The following UAP1 variants were observed in gnomAD, a reference collection of about 807,000 sequenced individuals.
The protein encoded by UAP1 is UDP-N-acetylhexosamine pyrophosphorylase.
UAP1 carries 25 observed loss-of-function variants against 58.5 expected under a neutral mutation model. The ratio of observed to expected loss-of-function variants is 0.43; its 90% confidence interval spans 0.31 to 0.60. UAP1 has a LOEUF of 0.60. Among genes scored for constraint, UAP1 ranks in the 20% least tolerant of loss-of-function variants. UAP1 has a pLI of 0.11. For missense variants in UAP1, 575 were observed against 630.0 expected (o/e 0.91, Z 0.93); for synonymous variants, 208 against 213.0 (o/e 0.98, Z 0.21).
chr1:162,586,841 T>A (rs920817097), intron 5 of UAP1, among the ~76,000 whole-genome samples: 1 of 152,208 alleles, frequency 6.6e-6, no homozygotes, highest in African/African-American at 2.4e-5. Context: ...AAGTATAGAA[T>A]CACTTATTTC....
intron 5 of UAP1, among the ~76,000 whole-genome samples, chr1:162,583,827 A>G (rs1480787716): frequency 6.6e-6 from 1 of 151,884 alleles, no homozygotes; most frequent in African/African-American, 2.4e-5. Flanking sequence ...TTTAGTAGAG[A>G]CAGGGTTTCA....
chr1:162,597,055 G>C (rs1557982672), intron 9 of UAP1, among the ~76,000 whole-genome samples: 1 of 152,208 alleles, frequency 6.6e-6, no homozygotes, highest in Non-Finnish European at 1.5e-5. Context: ...TAACAGAGAA[G>C]TACTTTGAAA....
chr1:162,582,721 A>G (rs1654663035), intron 5 of UAP1, among the ~76,000 whole-genome samples: 1 of 152,230 alleles, frequency 6.6e-6, no homozygotes, highest in Non-Finnish European at 1.5e-5. Flanking sequence ...TCTGACAAAA[A>G]CAAATTCGAT....
At chr1:162,565,948 G>A in intron 1 of UAP1, 64 bp from the exon 2 acceptor site, 2 of 1,032,864 alleles carry the variant, frequency 1.9e-6, no homozygotes, top group Non-Finnish European at 2.8e-6. Context: ...TTTTTAGAGG[G>A]GAAAAAAGCC....
chr1:162,587,529 G>A, exon 6 of UAP1: 1 of 1,614,014 alleles, frequency 6.2e-7, no homozygotes, highest in Non-Finnish European at 8.5e-7. Context: ...CCGAGTGGAT[G>A]GAGTTTACCA....
In UAP1 at chr1:162,590,740, T is replaced by A. The variant is rs183853443; in HGVS notation, c.1358+229T>A. ...TTCAGATCTCTCTTTTTTTAATTTT[T>A]ATTTTTTGGAAACATTGCCACCATG... On this transcript the variant is annotated intron_variant, in intron 8 of 10. Transcript: ENST00000271469. 2.8e-3 allele frequency among the ~76,000 whole-genome samples: 422 copies of A among 152,292 alleles called. 3 individuals are homozygous for A. The highest frequency in any genetic ancestry group is 9.4e-3 in the African/African-American group (392 of 41,550).
intron 10 of UAP1, among the ~76,000 whole-genome samples, chr1:162,598,767 G>A (rs968857960): frequency 2.6e-5 from 4 of 151,920 alleles, no homozygotes; most frequent in Non-Finnish European, 5.9e-5. Flanking sequence ...TAATCCCAGC[G>A]CTTTGGGAGG....
intron 7 of UAP1, among the ~76,000 whole-genome samples, chr1:162,589,847 C>T (rs1207664442): frequency 6.6e-6 from 1 of 152,124 alleles, no homozygotes; most frequent in Non-Finnish European, 1.5e-5. Flanking sequence ...TGGTGCATGC[C>T]TGAAGTCCCA....
chr1:162,574,494 A>G (rs1013192558), intron 2 of UAP1, among the ~76,000 whole-genome samples: 1 of 152,246 alleles, frequency 6.6e-6, no homozygotes, highest in Non-Finnish European at 1.5e-5. Flanking sequence ...AAATAAACCC[A>G]CATTACCTAA....
At chr1:162,587,813 ATGT>A in intron 6 of UAP1, 145 bp downstream of exon 6, 1 of 796,172 alleles carries the variant, frequency 1.3e-6, no homozygotes, top group South Asian at 2.2e-5. Flanking sequence ...CATTTATCTC[ATGT>A]TGTGATTGTT....
intron 9 of UAP1, among the ~76,000 whole-genome samples, chr1:162,596,502 A>G (rs79200772): frequency 0.01 from 1,593 of 152,336 alleles, 22 homozygotes; most frequent in African/African-American, 0.036. Flanking sequence ...GAATAAATGG[A>G]TGGAGACAAT....
At chr1:162,582,328 TAAGG>T (rs1654639907) in intron 5 of UAP1, among the ~76,000 whole-genome samples, 1 of 151,708 alleles carries the variant, frequency 6.6e-6, no homozygotes, top group South Asian at 2.1e-4. Context: ...AGGATGAAGA[TAAGG>T]GAGGAAAGGG....
At chr1:162,594,083 G>A (rs935026699) in intron 9 of UAP1, among the ~76,000 whole-genome samples, 1 of 152,118 alleles carries the variant, frequency 6.6e-6, no homozygotes, top group Non-Finnish European at 1.5e-5. Flanking sequence ...TGGTGAGGGT[G>A]GTTTCAGGAT....
exon 4 of UAP1, chr1:162,579,526 A>G (rs1654452796): frequency 1.9e-6 from 3 of 1,611,628 alleles, no homozygotes; most frequent in Non-Finnish European, 2.5e-6. Flanking sequence ...ATCTTTTTTC[A>G]GCAAGGAATG....
At position 162,575,498 on chromosome 1, in the gene UAP1, C is replaced by T. The variant is rs192618701; in HGVS notation, c.281-1279C>T. ...CCAGGCTGGAGTGCAGTGGTGCAGT[C>T]TTAGCTCACTGCAACCTCTGCCTCC... On this transcript the variant is annotated intron_variant, in intron 2 of 10. Transcript: ENST00000271469. Among the ~76,000 whole-genome samples, 3 of 151,946 alleles carry T rather than the reference C, an allele frequency of 2.0e-5. No individual in the cohort carries two copies. In the South Asian group the frequency reaches 6.2e-4, roughly 32 times the overall value.
intron 5 of UAP1, among the ~76,000 whole-genome samples, chr1:162,584,061 T>C (rs961531583): frequency 1.3e-5 from 2 of 152,252 alleles, no homozygotes; most frequent in African/African-American, 4.8e-5. Flanking sequence ...AGAACCATAC[T>C]CTTCAGATTA....
intron 7 of UAP1, among the ~76,000 whole-genome samples, chr1:162,589,179 T>C (rs1197723910): frequency 1.1e-5 from 1 of 91,468 alleles, no homozygotes; most frequent in Non-Finnish European, 2.0e-5. Flanking sequence ...ATAAATATTA[T>C]ATATAATATA....
chr1:162,590,839 A>G (rs561715581), intron 8 of UAP1, among the ~76,000 whole-genome samples: 12 of 151,252 alleles, frequency 7.9e-5, no homozygotes, highest in African/African-American at 2.7e-4. Context: ...GTTAAAGCCC[A>G]TCAGTAACAC....
intron 5 of UAP1, among the ~76,000 whole-genome samples, chr1:162,582,181 A>G (rs1056759995): frequency 2.0e-5 from 3 of 152,238 alleles, no homozygotes; most frequent in Non-Finnish European, 4.4e-5. Flanking sequence ...AGAAGTCTGT[A>G]TAGGTATCCA....
Sources: allele counts gnomAD v4.1 joint callset (sites outside exome capture counted in the v4.1 genomes callset), GRCh38; gene constraint gnomAD v4.1.1; transcripts MANE v1.5; gene names NCBI Gene and HGNC (gene_info 2026-07-23, HGNC 2026-07-21).